The following CNTN4 variants were observed in gnomAD, a reference collection of about 807,000 sequenced individuals.
The protein encoded by CNTN4 is contactin 4.
CNTN4 carries 77 observed loss-of-function variants against 122.5 expected under a neutral mutation model. The ratio of observed to expected loss-of-function variants is 0.63; its 90% confidence interval spans 0.52 to 0.76. The LOEUF (loss-of-function observed/expected upper bound fraction) is 0.76. CNTN4 is among the 30% of genes least tolerant of loss of function. The probability of loss-of-function intolerance (pLI) is 0.00; values close to 1 mark genes in which losing one functional copy is unlikely to be tolerated. For synonymous variants in CNTN4, 512 were observed against 447.0 expected (o/e 1.15, Z -1.83); for missense variants, 1,256 against 1,259.1 (o/e 1.00, Z 0.04).
At chr3:2,370,262 T>G (rs964043823) in intron 3 of CNTN4, among the ~76,000 whole-genome samples, 1 of 152,128 alleles carries the variant, frequency 6.6e-6, no homozygotes, top group African/African-American at 2.4e-5. Flanking sequence ...ACAAGCCCAG[T>G]GTTAGCTATT....
chr3:2,100,215 A>T (rs2031797560), intron 1 of CNTN4, among the ~76,000 whole-genome samples: 1 of 152,162 alleles, frequency 6.6e-6, no homozygotes, highest in Non-Finnish European at 1.5e-5. Context: ...AATGTCGTGG[A>T]ACTTTTTCTA....
chr3:2,836,234 A>G (rs1003685359), intron 7 of CNTN4, among the ~76,000 whole-genome samples: 10 of 152,282 alleles, frequency 6.6e-5, no homozygotes, highest in Non-Finnish European at 1.5e-4. Context: ...ACTCTCTCCA[A>G]GTTCTCTGGT....
At position 2,883,154 on chromosome 3, in the gene CNTN4, G is replaced by A. The variant is rs78402963; in HGVS notation, c.662G>A (p.Gly221Asp). Residue 221 changes from glycine (G) to aspartate (D), a missense_variant, in exon 9 of 25, where the codon GGT (glycine) becomes GAT (aspartate). Physicochemically the swap from Gly to Asp is moderately conservative, Grantham distance 94 (BLOSUM62 -1). Coordinates refer to ENST00000418658, the MANE Select transcript of CNTN4 (RefSeq NM_175607.3). ...PLILRNDGVMGEYEPKIEVQF... is the reference protein window; with the variant it reads ...PLILRNDGVMDEYEPKIEVQF... ...CTTTATTTATTCACAGGAGTGATGG[G>A]TGAATATGAGCCCAAAATAGAAGTG... The A allele has an allele frequency of 6.1e-4, 988 of 1,612,546 alleles. 6 individuals are homozygous for A. The African/African-American group carries it at 0.012, about 19-fold the overall frequency.
At chr3:2,115,722 A>G (rs1188745007) in intron 2 of CNTN4, among the ~76,000 whole-genome samples, 1 of 152,232 alleles carries the variant, frequency 6.6e-6, no homozygotes, top group Non-Finnish European at 1.5e-5. Flanking sequence ...GGGAATTCTA[A>G]CATTTCATAC....
At position 2,831,712 on chromosome 3, in the gene CNTN4, C is replaced by T. The variant is rs116736845; in HGVS notation, c.454+12131C>T. 2.8e-3 allele frequency among the ~76,000 whole-genome samples: 428 copies of T among 152,292 alleles called. 5 individuals are homozygous for T. The highest frequency in any genetic ancestry group is 9.8e-3 in the African/African-American group (407 of 41,544). Reference sequence around the variant, plus strand: ...GGACTTCACAAATCCATATGGCAGGCACAGCTGGGAAGACAGTTGCAGTTG... The same window carrying T: ...GGACTTCACAAATCCATATGGCAGGTACAGCTGGGAAGACAGTTGCAGTTG... On this transcript the variant is annotated intron_variant, in intron 7 of 24. Transcript: ENST00000418658.
chr3:2,673,274 G>C (rs1321727192), intron 4 of CNTN4, among the ~76,000 whole-genome samples: 1 of 152,144 alleles, frequency 6.6e-6, no homozygotes, highest in African/African-American at 2.4e-5. Context: ...GGGTGGCTAT[G>C]TACAGTCGAT....
At chr3:2,789,033 G>A (rs7636727) in intron 6 of CNTN4, among the ~76,000 whole-genome samples, 46,570 of 151,626 alleles carry the variant, frequency 0.31, 7,234 homozygotes, top group Middle Eastern at 0.34. Flanking sequence ...TTATGCCTTT[G>A]AGGATTTCCT....
At chr3:2,370,361 G>A (rs1295226838) in intron 3 of CNTN4, among the ~76,000 whole-genome samples, 3 of 152,076 alleles carry the variant, frequency 2.0e-5, no homozygotes, top group Non-Finnish European at 4.4e-5. Flanking sequence ...TCATACTTTG[G>A]TTTTCCTGAA....
At chr3:2,589,519 T>C (rs2080362424) in intron 4 of CNTN4, among the ~76,000 whole-genome samples, 1 of 152,206 alleles carries the variant, frequency 6.6e-6, no homozygotes, top group South Asian at 2.1e-4. Context: ...ACAAAGATGA[T>C]ATCTGAATTG....
Position 3,042,434 on chromosome 3 carries a change from A to C in CNTN4, c.2511+12A>C, listed in dbSNP as rs375704177. The stretch of plus-strand genomic sequence containing the variant: ...TACAAGGTTATGAGGTAGGCAAGAC[A>C]TATGTGCCTTGGGTCTGAAAGAGAG... On this transcript the variant is annotated intron_variant, in intron 21 of 24. Transcript: ENST00000418658. 1 of 1,534,594 alleles carries C rather than the reference A, an allele frequency of 6.5e-7. No individual in the cohort carries two copies. The highest frequency in any genetic ancestry group is 1.4e-5 in the African/African-American group (1 of 73,424).
intron 10 of CNTN4, among the ~76,000 whole-genome samples, chr3:2,895,356 A>T (rs2094096164): frequency 6.6e-6 from 1 of 152,222 alleles, no homozygotes; most frequent in South Asian, 2.1e-4. Context: ...CATTTACAGG[A>T]GGCAGAGCAC....
chr3:2,624,713 C>T (rs1014867054), intron 4 of CNTN4, among the ~76,000 whole-genome samples: 2 of 147,464 alleles, frequency 1.4e-5, no homozygotes, highest in Admixed American at 1.4e-4. Context: ...CACACTGCAA[C>T]CTCCGCCTCC....
chr3:2,857,903 T>G (rs1291372585), intron 7 of CNTN4, among the ~76,000 whole-genome samples: 2 of 152,234 alleles, frequency 1.3e-5, no homozygotes, highest in Non-Finnish European at 2.9e-5. Context: ...TTAGCTTATA[T>G]TTGTTTTCTT....
chr3:2,697,672 A>G (rs1292550894), intron 4 of CNTN4, among the ~76,000 whole-genome samples: 1 of 152,196 alleles, frequency 6.6e-6, no homozygotes, highest in African/African-American at 2.4e-5. Flanking sequence ...TGAATTAGTC[A>G]TGGTTTATTC....
chr3:2,690,965 G>A (rs781183271), intron 4 of CNTN4, among the ~76,000 whole-genome samples: 7 of 152,106 alleles, frequency 4.6e-5, no homozygotes, highest in Admixed American at 6.6e-5. Context: ...GAAAGAGCCC[G>A]TCAATGCCCT....
chr3:2,570,968 C>T (rs1665956422), intron 3 of CNTN4, among the ~76,000 whole-genome samples: 1 of 152,170 alleles, frequency 6.6e-6, no homozygotes, highest in African/African-American at 2.4e-5. Flanking sequence ...CATTTTCCCA[C>T]ACGATATAAC....
chr3:2,809,287 G>C (rs1021377525), intron 6 of CNTN4, among the ~76,000 whole-genome samples: 1 of 152,170 alleles, frequency 6.6e-6, no homozygotes, highest in East Asian at 1.9e-4. Context: ...ATTTGAGTTG[G>C]TTCCTAAAGG....
At chr3:3,046,213 T>C (rs1261046964) in intron 23 of CNTN4, among the ~76,000 whole-genome samples, 1 of 152,194 alleles carries the variant, frequency 6.6e-6, no homozygotes, top group Admixed American at 6.5e-5. Flanking sequence ...TGCAGGATAT[T>C]ATCCAGGAGA....
chr3:3,006,941 C>A (rs1315286235), intron 14 of CNTN4, among the ~76,000 whole-genome samples: 1 of 152,118 alleles, frequency 6.6e-6, no homozygotes, highest in Non-Finnish European at 1.5e-5. Flanking sequence ...TTGCTACCTC[C>A]CCGCGCCATC....
Sources: allele counts gnomAD v4.1 joint callset (sites outside exome capture counted in the v4.1 genomes callset), GRCh38; gene constraint gnomAD v4.1.1; transcripts MANE v1.5; gene names NCBI Gene and HGNC (gene_info 2026-07-23, HGNC 2026-07-21).